Variants in POLA2 observed in about 807,000 individuals in gnomAD.
The protein encoded by POLA2 is DNA polymerase alpha 2, accessory subunit.
Under a neutral mutation model 82.8 loss-of-function variants are expected in POLA2, and 47 were observed. The observed-to-expected ratio is 0.57, with a 90% CI of 0.45 to 0.72. The LOEUF is 0.72. POLA2 is among the 30% of genes least tolerant of loss of function. POLA2 has a pLI of 0.00. For missense variants in POLA2, 634 were observed against 728.1 expected (o/e 0.87, Z 1.49); for synonymous variants, 287 against 286.8 (o/e 1.00, Z -0.01).
At chr11:65,286,369 C>T (rs1949697307) in intron 10 of POLA2, among the ~76,000 whole-genome samples, 1 of 151,964 alleles carries the variant, frequency 6.6e-6, no homozygotes, top group South Asian at 2.1e-4. Flanking sequence ...GGATTTTTGA[C>T]CCCTGGAACT....
chr11:65,284,920 C>T (rs976842740), intron 10 of POLA2, among the ~76,000 whole-genome samples: 7 of 152,206 alleles, frequency 4.6e-5, no homozygotes, highest in Non-Finnish European at 7.3e-5. Flanking sequence ...ATGCATGTAA[C>T]AGTGGCCAGA....
chr11:65,262,377 T>A lies in POLA2; in HGVS notation c.79+6T>A. 6.2e-7 allele frequency: 1 copy of A among 1,609,444 alleles called. No homozygotes were observed. Among genetic ancestry groups the A allele is most frequent in the Non-Finnish European group, 8.5e-7 (1 of 1,177,104 alleles). On this transcript the variant is annotated splice_donor_region_variant and intron_variant, in intron 1 of 17. Transcript: ENST00000265465. ...GGAGGCTCTAATTGAGAAATGTGAG[T>A]CCCGCACCCCTCCCGCCCTGCAGCC...
intron 4 of POLA2, among the ~76,000 whole-genome samples, chr11:65,270,803 C>T (rs1485035864): frequency 6.6e-6 from 1 of 152,200 alleles, no homozygotes; most frequent in African/African-American, 2.4e-5. Context: ...CTCTAACCAC[C>T]TCTCCACCCA....
chr11:65,269,453 C>CT (rs1415760310), intron 4 of POLA2, among the ~76,000 whole-genome samples: 3 of 151,202 alleles, frequency 2.0e-5, no homozygotes, highest in Non-Finnish European at 4.4e-5. Flanking sequence ...CGCTACTGCA[C>CT]TCCAGCCTGG....
At chr11:65,280,427 A>T (rs1185125918) in intron 7 of POLA2, 1 of 152,806 alleles carries the variant, frequency 6.5e-6, no homozygotes, top group African/African-American at 2.4e-5. Context: ...TCTAGAGCCA[A>T]ATTTCTGGTT....
rs1211968 is a variant in POLA2 at position 65,285,606 on chromosome 11, G to A, written c.1007-2110G>A. Among the ~76,000 whole-genome samples, 253 of 150,402 alleles carry A rather than the reference G, an allele frequency of 1.7e-3. 3 individuals carry two copies. Among genetic ancestry groups the A allele is most frequent in the African/African-American group, 5.6e-3 (230 of 41,014 alleles). On this transcript the variant is annotated intron_variant, in intron 10 of 17. Coordinates refer to ENST00000265465, the MANE Select transcript of POLA2 (RefSeq NM_002689.4). Reference sequence around the variant, plus strand: ...AAAAAAAAAAGAAAAAGAAAAAAAAGAAAATACAAATTTATAGGGGGCAAG... The same window carrying A: ...AAAAAAAAAAGAAAAAGAAAAAAAAAAAAATACAAATTTATAGGGGGCAAG...
chr11:65,302,807 A>T (rs1949865931), downstream of POLA2, among the ~76,000 whole-genome samples: 1 of 151,802 alleles, frequency 6.6e-6, no homozygotes, highest in African/African-American at 2.4e-5. Context: ...AGCTCGCTGC[A>T]GCCTCAACCT....
chr11:65,294,270 AC>A lies in POLA2; in HGVS notation c.1353+12del. Reference sequence around the variant, plus strand: ...CTCGAGAGGACAAAAAGGTAGCAGCACCCACTCCTTGACCAGCAGGCAGCCA... The same window carrying A: ...CTCGAGAGGACAAAAAGGTAGCAGCACCACTCCTTGACCAGCAGGCAGCCA... On this transcript the variant is annotated intron_variant, in intron 14 of 17. Coordinates refer to ENST00000265465, the MANE Select transcript of POLA2 (RefSeq NM_002689.4). 1 of 1,605,302 alleles carries A rather than the reference AC, an allele frequency of 6.2e-7. No individual in the cohort carries two copies.
Position 65,279,627 on chromosome 11 carries a change from G to A in POLA2, c.744+1G>A, listed in dbSNP as rs762891586. 2 of 1,602,998 alleles carry A rather than the reference G, an allele frequency of 1.2e-6. No individual in the cohort carries two copies. Among genetic ancestry groups the A allele is most frequent in the South Asian group, 2.2e-5 (2 of 90,436 alleles). ...CACTCCTTTGCTAGCCCCAGCACAGGTAAGAGTTGTTCTAATAGTTCTCAC... is the reference window on the plus strand; with the variant it reads ...CACTCCTTTGCTAGCCCCAGCACAGATAAGAGTTGTTCTAATAGTTCTCAC... On this transcript the variant is annotated splice_donor_variant, in intron 7 of 17. Transcript: ENST00000265465. LOFTEE classifies it high-confidence loss of function.
At chr11:65,268,290 C>G (rs1949483642) in intron 3 of POLA2, among the ~76,000 whole-genome samples, 1 of 151,502 alleles carries the variant, frequency 6.6e-6, no homozygotes, top group South Asian at 2.1e-4. Context: ...GTAAAAATTG[C>G]CTAATATTGA....
Position 65,262,412 on chromosome 11 carries a change from G to T in POLA2, c.79+41G>T, listed in dbSNP as rs547954190. 2.7e-5 allele frequency: 41 copies of T among 1,540,274 alleles called. 1 individual carries two copies. The South Asian group carries it at 4.7e-4, about 17-fold the overall frequency. On this transcript the variant is annotated intron_variant, in intron 1 of 17. Transcript: ENST00000265465. The stretch of plus-strand genomic sequence containing the variant: ...CTCCCGCCCTGCAGCCGTGCTCCAC[G>T]CTCTCGCCCGAGTTCCTCGGCGCCT...
chr11:65,267,353 T>C, intron 2 of POLA2, 124 bp from the exon 3 acceptor site: 1 of 596,726 alleles, frequency 1.7e-6, no homozygotes. Flanking sequence ...TGTATCTTAA[T>C]TCTTTGAGGA....
intron 3 of POLA2, among the ~76,000 whole-genome samples, chr11:65,268,346 T>C (rs1949484388): frequency 6.6e-6 from 1 of 151,264 alleles, no homozygotes; most frequent in South Asian, 2.1e-4. Flanking sequence ...AAGTTTATTA[T>C]TATTATTATT....
intron 4 of POLA2, 52 bp from the exon 5 acceptor site, chr11:65,275,840 T>TA (rs1448950905): frequency 3.0e-6 from 3 of 986,146 alleles, no homozygotes; most frequent in Admixed American, 1.9e-5. Context: ...ATACACTTAA[T>TA]TAGTATTGGG....
chr11:65,283,492 T>C (rs1018995249), intron 10 of POLA2, among the ~76,000 whole-genome samples: 4 of 152,070 alleles, frequency 2.6e-5, no homozygotes, highest in Non-Finnish European at 5.9e-5. Flanking sequence ...TTTTTTGAGA[T>C]GGAGTCTCGC....
intron 4 of POLA2, among the ~76,000 whole-genome samples, chr11:65,271,684 C>A (rs771515286): frequency 3.3e-5 from 5 of 151,070 alleles, no homozygotes; most frequent in African/African-American, 4.9e-5. Flanking sequence ...CATCTCTACT[C>A]AAAAAATTAG....
At chr11:65,273,287 A>C (rs1251408478) in intron 4 of POLA2, among the ~76,000 whole-genome samples, 3 of 152,118 alleles carry the variant, frequency 2.0e-5, no homozygotes, top group Non-Finnish European at 4.4e-5. Context: ...GCCACTGCAC[A>C]CTCCACCCTG....
chr11:65,287,043 G>A (rs1365764100), intron 10 of POLA2, among the ~76,000 whole-genome samples: 1 of 152,156 alleles, frequency 6.6e-6, no homozygotes, highest in Non-Finnish European at 1.5e-5. Flanking sequence ...TGCAGACCCT[G>A]GGAGGAGAGT....
chr11:65,266,401 C>T, intron 1 of POLA2, 181 bp from the exon 2 acceptor site: 1 of 600,796 alleles, frequency 1.7e-6, no homozygotes, highest in East Asian at 2.9e-5. Flanking sequence ...TTTTGTCTCC[C>T]CTCAGTGGTG....
Sources: gnomAD v4.1 joint callset for allele counts (sites outside exome capture counted in the v4.1 genomes callset) on GRCh38, gnomAD v4.1.1 for gene constraint, MANE v1.5 for transcripts, NCBI Gene and HGNC (gene_info 2026-07-23, HGNC 2026-07-21) for gene names.